PRSS50: variants seen among roughly 807,000 people sequenced by gnomAD.
PRSS50 encodes probable threonine protease PRSS50.
PRSS50 carries 23 observed loss-of-function variants against 34.2 expected under a neutral mutation model. The observed-to-expected ratio is 0.67, with a 90% CI of 0.48 to 0.95. The LOEUF is 0.95. Ranked by LOEUF, PRSS50 falls within the 40% of genes least tolerant of loss-of-function variation. PRSS50 has a pLI of 0.00. For synonymous variants in PRSS50, 224 were observed against 211.2 expected (o/e 1.06, Z -0.53); for missense variants, 484 against 513.4 (o/e 0.94, Z 0.55).
intron 4 of PRSS50, 77 bp from the exon 5 acceptor site, chr3:46,713,144 CTGT>C (rs1700640709): frequency 6.5e-7 from 1 of 1,532,816 alleles, no homozygotes; most frequent in Admixed American, 1.7e-5. Context: ...CCTCTCTCCA[CTGT>C]TCCCCACGTC....
rs1215001585 is a variant in PRSS50 at position 46,716,344 on chromosome 3, C to T, written c.308-647G>A. Reference sequence around the variant, plus strand: ...GATCATTGTTCACTGTAACCTCAAACTCCTAGGCTCAAATGATCTTCCCAC... The same window carrying T: ...GATCATTGTTCACTGTAACCTCAAATTCCTAGGCTCAAATGATCTTCCCAC... On this transcript the variant is annotated intron_variant, in intron 2 of 5. Transcript: ENST00000315170. This position sits in a 1 kb window ranked among gnomAD's most constrained non-coding sequence, Gnocchi z 4.4. 6.6e-6 allele frequency among the ~76,000 whole-genome samples: 1 copy of T among 152,214 alleles called. No individual in the cohort carries two copies. The highest frequency in any genetic ancestry group is 2.4e-5 in the African/African-American group (1 of 41,446).
chr3:46,712,313 A>AGGGC lies in PRSS50; in HGVS notation c.1087_1090dup (p.Leu364ArgfsTer51), dbSNP rs1171367452. 6.2e-7 allele frequency: 1 copy of AGGGC among 1,613,244 alleles called. No individual in the cohort carries two copies. Among genetic ancestry groups the AGGGC allele is most frequent in the Non-Finnish European group, 8.5e-7 (1 of 1,179,738 alleles). On this transcript the variant is annotated frameshift_variant, in exon 6 of 6. Coordinates refer to ENST00000315170, the MANE Select transcript of PRSS50 (RefSeq NM_013270.5). LOFTEE classifies it low-confidence loss of function (END_TRUNC). ...GAGCAGGGTCCTGGATGGGGCTGGC[A>AGGGC]GGGCCAGGGCCTGCCCGTTGAGGCA...
chr3:46,717,625 G>C lies in PRSS50; in HGVS notation c.119C>G (p.Ala40Gly). 1.2e-6 allele frequency: 2 copies of C among 1,612,946 alleles called. No individual in the cohort carries two copies. Among genetic ancestry groups the C allele is most frequent in the Non-Finnish European group, 1.7e-6 (2 of 1,179,600 alleles). The part of the protein sequence containing the change: ...LLLRSAGCWG[A>G]GEAPGALSTA... ...GGACAGCGCCCCCGGGGCTTCCCCT[G>C]CGCCCCAGCAACCTGCGGAGGACGT... is the stretch of plus-strand genomic sequence containing the variant. Residue 40 changes from alanine (A) to glycine (G), a missense_variant, in exon 2 of 6, where the codon GCA becomes GGA. Coordinates refer to ENST00000315170, the MANE Select transcript of PRSS50 (RefSeq NM_013270.5). The surrounding 1 kb of genome is among the most constrained non-coding windows in gnomAD (Gnocchi z 4.5).
In PRSS50 at chr3:46,716,611, G is replaced by A. The variant is rs76795083; in HGVS notation, c.307+826C>T. 0.051 allele frequency among the ~76,000 whole-genome samples: 7,750 copies of A among 152,134 alleles called. 336 individuals are homozygous for A. The highest frequency in any genetic ancestry group is 0.12 in the South Asian group (585 of 4,804). ...GATGAGATTCTGCTCTGTACCATCC[G>A]CCTGGCAAAAACGCAACATCTGTGA... On this transcript the variant is annotated intron_variant, in intron 2 of 5. Transcript: ENST00000315170. The surrounding 1 kb of genome is among the most constrained non-coding windows in gnomAD (Gnocchi z 4.4).
chr3:46,713,399 C>A (rs1056618294), intron 4 of PRSS50, among the ~76,000 whole-genome samples: 4 of 152,240 alleles, frequency 2.6e-5, no homozygotes. Context: ...CTTCAAGCAT[C>A]CCTTCTCCCA....
chr3:46,714,547 G>A, intron 3 of PRSS50, 46 bp from the exon 4 acceptor site: 2 of 1,497,020 alleles, frequency 1.3e-6, no homozygotes, highest in South Asian at 1.3e-5. Context: ...CAGGCCCCCT[G>A]CCCCAGCCTC....
chr3:46,713,806 G>C (rs73063655), intron 4 of PRSS50, among the ~76,000 whole-genome samples: 1 of 152,182 alleles, frequency 6.6e-6, no homozygotes, highest in African/African-American at 2.4e-5. Flanking sequence ...AGCTGCAGAC[G>C]GCCCCTAGCC....
chr3:46,712,388 G>A lies in PRSS50; in HGVS notation c.1016C>T (p.Ala339Val), dbSNP rs1394158343. 2 of 1,613,906 alleles carry A rather than the reference G, an allele frequency of 1.2e-6. No homozygotes were observed. The highest frequency in any genetic ancestry group is 4.5e-5 in the East Asian group (2 of 44,818). ...SWGAGCQKSE[A>V]PPIYLQVSSY... The stretch of plus-strand genomic sequence containing the variant: ...GGAGACCTGTAGGTAGATGGGTGGG[G>A]CCTCGCTCTTCTGGCAGCCTGCACC... Residue 339 changes from alanine to valine, a missense_variant, in exon 6 of 6, where the codon GCC becomes GTC. Coordinates refer to ENST00000315170, the MANE Select transcript of PRSS50 (RefSeq NM_013270.5).
In PRSS50 at chr3:46,717,532, C is replaced by T. The variant is rs768769548; in HGVS notation, c.212G>A (p.Arg71His). 2 of 1,613,754 alleles carry T rather than the reference C, an allele frequency of 1.2e-6. No individual in the cohort carries two copies. The highest frequency in any genetic ancestry group is 2.2e-5 in the East Asian group (1 of 44,868). The change falls in exon 2 of 6, where the codon CGC (arginine) becomes CAC (histidine). Residue 71 changes from arginine to histidine, a missense_variant. By Grantham distance (29) the Arg-to-His change is conservative. Transcript: ENST00000315170. This position sits in a 1 kb window ranked among gnomAD's most constrained non-coding sequence, Gnocchi z 4.5. ...GGTGGTCGGGGTCTGCCAGAGAAGG[C>T]GAGGCCGGCTGGAAGGACAGGTGGC... ...PKATCPSSRP[R>H]LLWQTPTTQT...
Position 46,712,973 on chromosome 3 carries a change from G to C in PRSS50, c.849C>G (p.Ile283Met). Residue 283 changes from isoleucine to methionine, a missense_variant, in exon 5 of 6, where the codon ATC becomes ATG. Physicochemically the swap from Ile to Met is conservative, Grantham distance 10. Transcript: ENST00000315170. ...ACTTGATGATCTGAACCAGAGTGGG[G>C]ATTTTGGTGAAGTTGTGGTAGAAAT... is the stretch of plus-strand genomic sequence containing the variant. ...CDNFYHNFTK[I>M]PTLVQIIKSQ... The C allele has an allele frequency of 1.2e-6, 2 of 1,614,180 alleles. No homozygotes were observed. Among genetic ancestry groups the C allele is most frequent in the African/African-American group, 1.3e-5 (1 of 75,044 alleles).
Position 46,716,708 on chromosome 3 carries a change from C to T in PRSS50, c.307+729G>A, listed in dbSNP as rs867504376. 1.3e-5 allele frequency among the ~76,000 whole-genome samples: 2 copies of T among 152,180 alleles called. No individual in the cohort carries two copies. The highest frequency in any genetic ancestry group is 2.9e-5 in the Non-Finnish European group (2 of 68,040). ...TGGTGGGAGTGCTCACTGCTGCAGC[C>T]GCTTTGGAAAACAATTTCTCTAGAT... On this transcript the variant is annotated intron_variant, in intron 2 of 5. Transcript: ENST00000315170. The surrounding 1 kb of genome is among the most constrained non-coding windows in gnomAD (Gnocchi z 4.4).
In PRSS50 at chr3:46,715,392, C is replaced by G; in HGVS notation, c.470+143G>C. 1 of 1,116,988 alleles carries G rather than the reference C, an allele frequency of 9.0e-7. No individual in the cohort carries two copies. The highest frequency in any genetic ancestry group is 1.3e-6 in the Non-Finnish European group (1 of 797,534). The allele number at this position is 1,116,988 out of a possible 1,614,324, so 69.2% of individuals were successfully genotyped here. A position where few individuals can be genotyped will look rare whatever the true frequency, so the allele number is the denominator to read the frequency against. On this transcript the variant is annotated intron_variant, in intron 3 of 5. Coordinates refer to ENST00000315170, the MANE Select transcript of PRSS50 (RefSeq NM_013270.5). This position sits in a 1 kb window ranked among gnomAD's most constrained non-coding sequence, Gnocchi z 5.2. ...AAGACTGGAGCTCTGAAGGAATTTTCAGGACTCAGCCTCCACCTGCTTGGA... is the reference window on the plus strand; with the variant it reads ...AAGACTGGAGCTCTGAAGGAATTTTGAGGACTCAGCCTCCACCTGCTTGGA...
In PRSS50 at chr3:46,712,495, T is replaced by G; in HGVS notation, c.922-13A>C. The G allele has an allele frequency of 1.9e-6, 3 of 1,612,974 alleles. No homozygotes were observed. Among genetic ancestry groups the G allele is most frequent in the Non-Finnish European group, 2.5e-6 (3 of 1,179,340 alleles). On this transcript the variant is annotated splice_polypyrimidine_tract_variant and intron_variant, in intron 5 of 5. Transcript: ENST00000315170. The stretch of plus-strand genomic sequence containing the variant: ...CTCCAGTTAGCTCCTGTGGGAAGGG[T>G]TGGGGGAGTAAGGGTCAGGGAGGCC...
chr3:46,717,306 A>T lies in PRSS50; in HGVS notation c.307+131T>A. On this transcript the variant is annotated intron_variant, in intron 2 of 5. Coordinates refer to ENST00000315170, the MANE Select transcript of PRSS50 (RefSeq NM_013270.5). The surrounding 1 kb of genome is among the most constrained non-coding windows in gnomAD (Gnocchi z 4.5). ...CCCACAGGTGTTTAGTGCTCAATGA[A>T]CACCTGTAGAAGGAGGCGCTCCTCT... is the stretch of plus-strand genomic sequence containing the variant. 9.9e-7 allele frequency: 1 copy of T among 1,005,598 alleles called. No homozygotes were observed. Among genetic ancestry groups the T allele is most frequent in the Admixed American group, 2.5e-5 (1 of 40,458 alleles). The allele number at this position is 1,005,598 out of a possible 1,614,324, so 62.3% of individuals were successfully genotyped here.
At chr3:46,713,218 C>T (rs1700641132) in intron 4 of PRSS50, 151 bp from the exon 5 acceptor site, 3 of 975,164 alleles carry the variant, frequency 3.1e-6, no homozygotes, top group Admixed American at 4.9e-5. Flanking sequence ...CCATCTAGGG[C>T]CCTCAACACA....
In PRSS50 at chr3:46,715,480, G is replaced by A; in HGVS notation, c.470+55C>T. 3 of 1,571,052 alleles carry A rather than the reference G, an allele frequency of 1.9e-6. No individual in the cohort carries two copies. The highest frequency in any genetic ancestry group is 2.6e-6 in the Non-Finnish European group (3 of 1,149,434). Reference sequence around the variant, plus strand: ...ACAGCTGGCAGGGAGGGGATGACTGGGCCCACAGCAGCTCCAAATACCTCT... The same window carrying A: ...ACAGCTGGCAGGGAGGGGATGACTGAGCCCACAGCAGCTCCAAATACCTCT... On this transcript the variant is annotated intron_variant, in intron 3 of 5. Coordinates refer to ENST00000315170, the MANE Select transcript of PRSS50 (RefSeq NM_013270.5). The surrounding 1 kb of genome is among the most constrained non-coding windows in gnomAD (Gnocchi z 5.2).
chr3:46,713,008 C>T lies in PRSS50; in HGVS notation c.814G>A (p.Glu272Lys), dbSNP rs377104255. 27 of 1,614,082 alleles carry T rather than the reference C, an allele frequency of 1.7e-5. No individual in the cohort carries two copies. The highest frequency in any genetic ancestry group is 2.3e-5 in the Non-Finnish European group (27 of 1,180,028). ...EKEVIILNNK[E>K]CDNFYHNFTK... Reference sequence around the variant, plus strand: ...AAGTTGTGGTAGAAATTGTCACACTCTTTGTTGTTCAGGATGATGACTTCC... The same window carrying T: ...AAGTTGTGGTAGAAATTGTCACACTTTTTGTTGTTCAGGATGATGACTTCC... The change falls in exon 5 of 6, where the codon GAG becomes AAG. Residue 272 changes from glutamate to lysine, a missense_variant. Physicochemically the swap from Glu to Lys is moderately conservative, Grantham distance 56 (BLOSUM62 1). Coordinates refer to ENST00000315170, the MANE Select transcript of PRSS50 (RefSeq NM_013270.5).
rs1353000813 is a variant in PRSS50 at position 46,716,353 on chromosome 3, T to C, written c.308-656A>G. ...TCACTGTAACCTCAAACTCCTAGGC[T>C]CAAATGATCTTCCCACCTCAGCCTC... On this transcript the variant is annotated intron_variant, in intron 2 of 5. Transcript: ENST00000315170. This position sits in a 1 kb window ranked among gnomAD's most constrained non-coding sequence, Gnocchi z 4.4. 6.6e-6 allele frequency among the ~76,000 whole-genome samples: 1 copy of C among 152,178 alleles called. No homozygotes were observed. Among genetic ancestry groups the C allele is most frequent in the African/African-American group, 2.4e-5 (1 of 41,440 alleles).
chr3:46,712,936 A>C lies in PRSS50; in HGVS notation c.886T>G (p.Cys296Gly). 6.2e-7 allele frequency: 1 copy of C among 1,614,136 alleles called. No homozygotes were observed. The highest frequency in any genetic ancestry group is 8.5e-7 in the Non-Finnish European group (1 of 1,180,022). ...LVQIIKSQMM[C>G]AEDTHREKFC... is the part of the protein sequence containing the mutation. ...TTCTCCCTGTGGGTGTCCTCCGCAC[A>C]CATCATCTGGGACTTGATGATCTGA... Residue 296 changes from cysteine to glycine, a missense_variant, in exon 5 of 6, where the codon TGT becomes GGT. Cys to Gly is a radical substitution (Grantham distance 159). Coordinates refer to ENST00000315170, the MANE Select transcript of PRSS50 (RefSeq NM_013270.5).
Sources: gnomAD v4.1 joint callset for allele counts (sites outside exome capture counted in the v4.1 genomes callset) on GRCh38, gnomAD v4.1.1 for gene constraint, Gnocchi (gnomAD v3.1) non-coding constraint, MANE v1.5 for transcripts, NCBI Gene and HGNC (gene_info 2026-07-23, HGNC 2026-07-21) for gene names.